CD200: variants seen among roughly 807,000 people sequenced by gnomAD.
CD200 encodes CD200 molecule, also known as OX-2 membrane glycoprotein.
A neutral mutation model predicts 30.9 loss-of-function variants in CD200; 15 were observed. That is an observed-to-expected ratio of 0.49 (90% CI 0.32 to 0.75). CD200 has a LOEUF of 0.75. CD200 is among the 30% of genes least tolerant of loss of function. The pLI, the probability that CD200 is intolerant of heterozygous loss-of-function variation, is 0.03. For synonymous variants in CD200, 134 were observed against 126.2 expected (o/e 1.06, Z -0.41); for missense variants, 262 against 324.2 (o/e 0.81, Z 1.47).
rs557004296 is a variant in CD200 at position 112,356,200 on chromosome 3, T to G, written c.803-5343T>G. Among the ~76,000 whole-genome samples, 19 of 152,342 alleles carry G rather than the reference T, an allele frequency of 1.2e-4. No homozygotes were observed. The South Asian group carries it at 3.5e-3, about 28-fold the overall frequency. On this transcript the variant is annotated intron_variant, in intron 5 of 5. Transcript: ENST00000315711. ...TCCGTGGACACTAGTTTATAAATAC[T>G]CCAACCTTCTCCCTTTTTTATACAA...
At chr3:112,342,345 CTTTCTTTCTTTCTTTCTTTCTTTCTTTCT>C (rs2081272104) in intron 2 of CD200, among the ~76,000 whole-genome samples, 10 of 11,612 alleles carry the variant, frequency 8.6e-4, no homozygotes, top group East Asian at 4.5e-3. Context: ...TTCCTTCTTT[CTTTCTTTCTTTCTTTCTTTCTTTCTTTCT>C]TTCTTTCTTT....
chr3:112,338,685 C>T (rs2081173010), intron 1 of CD200, among the ~76,000 whole-genome samples: 1 of 152,174 alleles, frequency 6.6e-6, no homozygotes, highest in Non-Finnish European at 1.5e-5. Flanking sequence ...TTAAAAACAG[C>T]TTCAAAATTG....
intron 2 of CD200, among the ~76,000 whole-genome samples, chr3:112,341,756 A>T (rs1027819201): frequency 4.6e-5 from 7 of 152,204 alleles, no homozygotes; most frequent in African/African-American, 1.7e-4. Flanking sequence ...AGAAAAAAAA[A>T]ACTCATCTAA....
At chr3:112,352,592 A>G (rs1260751215) in intron 5 of CD200, among the ~76,000 whole-genome samples, 3 of 152,066 alleles carry the variant, frequency 2.0e-5, no homozygotes, top group Non-Finnish European at 4.4e-5. Flanking sequence ...AGAAAAGCAA[A>G]GGAGACAGAC....
At chr3:112,333,821 T>G (rs2081052640) in intron 1 of CD200, 1 of 985,268 alleles carries the variant, frequency 1.0e-6, no homozygotes, top group Admixed American at 6.1e-5. Context: ...GCTGAAATGC[T>G]CTGTGATCAT....
intron 2 of CD200, among the ~76,000 whole-genome samples, chr3:112,343,032 A>G (rs2081303975): frequency 6.6e-6 from 1 of 151,982 alleles, no homozygotes; most frequent in Non-Finnish European, 1.5e-5. Flanking sequence ...TTCATTTAGT[A>G]TGAGTTATTG....
upstream of CD200, chr3:112,332,779 A>T (rs1576574262): frequency 8.9e-4 from 2 of 2,246 alleles, no homozygotes; most frequent in Admixed American, 4.3e-3. Context: ...TTTTTCTTTA[A>T]AAAAAAAAAA....
Position 112,362,171 on chromosome 3 carries a change from T to A in CD200, c.*621T>A, listed in dbSNP as rs1246382688. The stretch of plus-strand genomic sequence containing the variant: ...TTGCTAATAGCTGGCCTTGCTAGAA[T>A]CCTTGGTTTCACTGCTGTTCTTCAT... On this transcript the variant is annotated 3_prime_UTR_variant, in exon 6 of 6. Transcript: ENST00000315711. 2 of 152,282 alleles carry A rather than the reference T, an allele frequency of 1.3e-5. No homozygotes were observed. Among genetic ancestry groups the A allele is most frequent in the African/African-American group, 4.8e-5 (2 of 41,454 alleles). The allele number at this position is 152,282 out of a possible 1,614,324, so 9.4% of individuals were successfully genotyped here. A position where few individuals can be genotyped will look rare whatever the true frequency, so the allele number is the denominator to read the frequency against.
upstream of CD200, chr3:112,332,984 A>G (rs1039140124): frequency 1.7e-6 from 1 of 600,118 alleles, no homozygotes; most frequent in African/African-American, 1.9e-5. Flanking sequence ...AAAGGGAAAA[A>G]TGTCTGAAAA....
chr3:112,361,585 G>A lies in CD200; in HGVS notation c.*35G>A, dbSNP rs778533888. The A allele has an allele frequency of 2.5e-6, 4 of 1,592,630 alleles. No homozygotes were observed. In the African/African-American group the frequency reaches 5.4e-5, roughly 21 times the overall value. On this transcript the variant is annotated 3_prime_UTR_variant, in exon 6 of 6. Transcript: ENST00000315711. Reference sequence around the variant, plus strand: ...ACAGCACCCTGAAAGTGATTCCCTGGTCTACTTGAATTTGACACAAGAGAA... The same window carrying A: ...ACAGCACCCTGAAAGTGATTCCCTGATCTACTTGAATTTGACACAAGAGAA...
intron 4 of CD200, among the ~76,000 whole-genome samples, 199 bp from the exon 5 acceptor site, chr3:112,349,513 G>A (rs1040609427): frequency 2.6e-4 from 40 of 152,072 alleles, no homozygotes; most frequent in Admixed American, 7.2e-4. Flanking sequence ...TAAGTTTAAA[G>A]CTCTTATTAC....
chr3:112,347,787 G>C lies in CD200; in HGVS notation c.651G>C (p.Leu217=). The part of the protein sequence containing the change: ...QVGKEVICQV[L]HLGTVTDFKQ... The stretch of plus-strand genomic sequence containing the variant: ...GGAAGGAGGTGATCTGCCAGGTGCT[G>C]CACCTGGGGACTGTGACCGACTTTA... The change falls in exon 4 of 6, where the codon CTG becomes CTC. Residue 217 remains leucine (L), a synonymous_variant. Coordinates refer to ENST00000315711, the MANE Select transcript of CD200 (RefSeq NM_005944.7). The C allele has an allele frequency of 1.9e-6, 3 of 1,613,794 alleles. No individual in the cohort carries two copies. The highest frequency in any genetic ancestry group is 2.2e-5 in the East Asian group (1 of 44,884).
chr3:112,344,235 T>A (rs2081332715), intron 2 of CD200, among the ~76,000 whole-genome samples: 1 of 152,228 alleles, frequency 6.6e-6, no homozygotes, highest in Non-Finnish European at 1.5e-5. Context: ...TTTCATTGTA[T>A]TGGCTTTCTC....
intron 5 of CD200, among the ~76,000 whole-genome samples, chr3:112,355,003 A>G (rs1423909213): frequency 1.3e-5 from 2 of 152,192 alleles, no homozygotes; most frequent in Non-Finnish European, 2.9e-5. Flanking sequence ...TGCATAATCC[A>G]TCTCAGGGTC....
At chr3:112,356,219 T>A (rs887408461) in intron 5 of CD200, among the ~76,000 whole-genome samples, 1 of 152,220 alleles carries the variant, frequency 6.6e-6, no homozygotes, top group Non-Finnish European at 1.5e-5. Context: ...CTCCCTTTTT[T>A]ATACAATAAA....
chr3:112,334,167 C>G (rs747559052), intron 1 of CD200: 2 of 984,864 alleles, frequency 2.0e-6, no homozygotes, highest in Non-Finnish European at 2.4e-6. Flanking sequence ...CCTCGTTTTA[C>G]ACATAAACAG....
Position 112,344,954 on chromosome 3 carries a change from T to C in CD200, c.95-8T>C. On this transcript the variant is annotated splice_region_variant and splice_polypyrimidine_tract_variant and intron_variant, in intron 2 of 5. Coordinates refer to ENST00000315711, the MANE Select transcript of CD200 (RefSeq NM_005944.7). ...TTTAAATATAAATGTTCTTTTATGA[T>C]TCCATAGTGCAAGTGGTGACCCAGG... 6.3e-7 allele frequency: 1 copy of C among 1,582,356 alleles called. No individual in the cohort carries two copies. The highest frequency in any genetic ancestry group is 8.6e-7 in the Non-Finnish European group (1 of 1,161,502).
Position 112,361,676 on chromosome 3 carries a change from C to T in CD200, c.*126C>T. ...GAGCAAAAGAGGTGGGAGCGAAAGC[C>T]TTAAGGATCCCACGACTTTTTACTG... On this transcript the variant is annotated 3_prime_UTR_variant, in exon 6 of 6. Transcript: ENST00000315711. 5.8e-6 allele frequency: 5 copies of T among 869,176 alleles called. No homozygotes were observed. The highest frequency in any genetic ancestry group is 2.4e-5 in the East Asian group (1 of 41,522). The allele number at this position is 869,176 out of a possible 1,614,324, so 53.8% of individuals were successfully genotyped here.
chr3:112,337,819 C>T (rs1385579972), intron 1 of CD200, among the ~76,000 whole-genome samples: 1 of 152,104 alleles, frequency 6.6e-6, no homozygotes, highest in Non-Finnish European at 1.5e-5. Flanking sequence ...CTCACAGATA[C>T]CAGTTGGTGG....
Sources: gnomAD v4.1 joint callset for allele counts (sites outside exome capture counted in the v4.1 genomes callset) on GRCh38, gnomAD v4.1.1 for gene constraint, MANE v1.5 for transcripts, NCBI Gene and HGNC (gene_info 2026-07-23, HGNC 2026-07-21) for gene names.